ABCA8: variants seen among roughly 807,000 people sequenced by gnomAD.
ABCA8 encodes the protein ATP binding cassette subfamily A member 8, also known as ABC-type organic anion transporter ABCA8.
ABCA8 carries 177 observed loss-of-function variants against 192.3 expected under a neutral mutation model. The observed-to-expected ratio is 0.92, with a 90% CI of 0.81 to 1.04. ABCA8 has a LOEUF of 1.04. Among genes scored for constraint, ABCA8 ranks in the 50% least tolerant of loss-of-function variants. The pLI is 0.00. For missense variants in ABCA8, 1,915 were observed against 1,904.8 expected (o/e 1.01, Z -0.10); for synonymous variants, 642 against 690.2 (o/e 0.93, Z 1.09).
Position 68,867,380 on chromosome 17 carries a change from G to A in ABCA8, c.*705C>T, listed in dbSNP as rs1419070826. The A allele has an allele frequency of 1.3e-5, 2 of 152,090 alleles. No homozygotes were observed. Among genetic ancestry groups the A allele is most frequent in the African/African-American group, 4.8e-5 (2 of 41,426 alleles). The allele number at this position is 152,090 out of a possible 1,614,324, so 9.4% of individuals were successfully genotyped here. On this transcript the variant is annotated 3_prime_UTR_variant, in exon 40 of 40. Coordinates refer to ENST00000586539, the MANE Select transcript of ABCA8 (RefSeq NM_001288985.2). ...ACATTTGTGAACTTTCTGAAACCAAGTGACAAATATCCACAAAAGATCATT... is the reference window on the plus strand; with the variant it reads ...ACATTTGTGAACTTTCTGAAACCAAATGACAAATATCCACAAAAGATCATT...
rs1485656216 is a variant in ABCA8 at position 68,911,896 on chromosome 17, G to T, written c.2139-4017C>A. Among the ~76,000 whole-genome samples the T allele has an allele frequency of 6.6e-6, 1 of 152,158 alleles. No individual in the cohort carries two copies. Among genetic ancestry groups the T allele is most frequent in the South Asian group, 2.1e-4 (1 of 4,832 alleles). On this transcript the variant is annotated intron_variant, in intron 17 of 39. Transcript: ENST00000586539. This position sits in a 1 kb window ranked among gnomAD's most constrained non-coding sequence, Gnocchi z 5.7. ...AATCACCATGTTACTGGATTTGAGG[G>T]TGCCCCCTAGTGCTGATACAGCTGC...
chr17:68,921,635 G>C, intron 12 of ABCA8, 143 bp from the exon 13 acceptor site: 1 of 467,268 alleles, frequency 2.1e-6, no homozygotes, highest in Admixed American at 3.5e-5. Flanking sequence ...AAATATAGTG[G>C]GTTGTTAAAT....
chr17:68,945,723 C>A (rs2068380219), intron 2 of ABCA8, among the ~76,000 whole-genome samples: 1 of 152,062 alleles, frequency 6.6e-6, no homozygotes, highest in African/African-American at 2.4e-5. Flanking sequence ...GAACTACTTT[C>A]TGGTTCCTTC....
chr17:68,879,202 A>G (rs2066276335), intron 32 of ABCA8: 1 of 152,232 alleles, frequency 6.6e-6, no homozygotes. Flanking sequence ...CTCCCCAAAA[A>G]TAGTTGCATT....
Position 68,875,650 on chromosome 17 carries a change from C to G in ABCA8, c.4454G>C (p.Cys1485Ser). Residue 1485 changes from cysteine (C) to serine (S), a missense_variant, in exon 36 of 40, where the codon TGT becomes TCT. By Grantham distance (112) the Cys-to-Ser change is moderately radical. Transcript: ENST00000586539. ...THYMAEAEAVCDRVAIMVSGR... is the reference protein window; with the variant it reads ...THYMAEAEAVSDRVAIMVSGR... ...AGATACCATGATGGCCACTCGGTCA[C>G]ACACGGCCTCAGCCTCTGCCATGTA... 6.2e-7 allele frequency: 1 copy of G among 1,614,202 alleles called. No individual in the cohort carries two copies. The highest frequency in any genetic ancestry group is 1.3e-5 in the African/African-American group (1 of 75,060).
Position 68,876,519 on chromosome 17 carries a change from T to G in ABCA8, c.4311A>C (p.Ser1437=). 1 of 1,614,074 alleles carries G rather than the reference T, an allele frequency of 6.2e-7. No individual in the cohort carries two copies. ...CFVLSILGNP[S]VVLLDEPSTG... Reference sequence around the variant, plus strand: ...TCGACGGCTCATCCAGAAGCACCACTGACGGGTTCCCCAGTATGCTCAGGA... The same window carrying G: ...TCGACGGCTCATCCAGAAGCACCACGGACGGGTTCCCCAGTATGCTCAGGA... Residue 1437 remains serine (S), a synonymous_variant, in exon 35 of 40, where the codon TCA becomes TCC. Transcript: ENST00000586539.
intron 35 of ABCA8, among the ~76,000 whole-genome samples, chr17:68,876,124 C>T (rs1251559626): frequency 1.3e-5 from 2 of 152,152 alleles, no homozygotes; most frequent in African/African-American, 4.8e-5. Flanking sequence ...ACCATGTTTA[C>T]ACCTTAATGA....
At position 68,927,896 on chromosome 17, in the gene ABCA8, T is replaced by A; in HGVS notation, c.1273+20A>T. 1 of 1,527,712 alleles carries A rather than the reference T, an allele frequency of 6.5e-7. No individual in the cohort carries two copies. Among genetic ancestry groups the A allele is most frequent in the Non-Finnish European group, 8.9e-7 (1 of 1,123,018 alleles). 94.6% of individuals were successfully genotyped at this position (1,527,712 alleles called of 1,614,324 possible). A position where few individuals can be genotyped will look rare whatever the true frequency, so the allele number is the denominator to read the frequency against. ...AAAACTATTTAAATGATATATGATT[T>A]TAATCATATCATTACTCACTTGGCA... On this transcript the variant is annotated intron_variant, in intron 10 of 39. Coordinates refer to ENST00000586539, the MANE Select transcript of ABCA8 (RefSeq NM_001288985.2).
Position 68,946,170 on chromosome 17 carries a change from C to A in ABCA8, c.-6+3142G>T, listed in dbSNP as rs894199143. 2.6e-5 allele frequency among the ~76,000 whole-genome samples: 4 copies of A among 152,032 alleles called. No homozygotes were observed. The East Asian group carries it at 7.8e-4, about 29-fold the overall frequency. On this transcript the variant is annotated intron_variant, in intron 2 of 39. Coordinates refer to ENST00000586539, the MANE Select transcript of ABCA8 (RefSeq NM_001288985.2). ...GCAATCTCCGCCTCCCAGGTTCAAG[C>A]GATTCTCCTGCCTCAGTCTCCCAAG...
At chr17:68,904,037 AC>A (rs2143496714) in intron 19 of ABCA8, among the ~76,000 whole-genome samples, 1 of 152,174 alleles carries the variant, frequency 6.6e-6, no homozygotes, top group South Asian at 2.1e-4. Flanking sequence ...AAAAGCACAC[AC>A]CCGTAAATGT....
intron 37 of ABCA8, among the ~76,000 whole-genome samples, chr17:68,874,001 G>A (rs1483799496): frequency 1.3e-5 from 2 of 151,984 alleles, no homozygotes; most frequent in African/African-American, 4.8e-5. Context: ...TTTTGTGTAG[G>A]AAAAAAGGGT....
intron 4 of ABCA8, among the ~76,000 whole-genome samples, chr17:68,937,711 T>A (rs1427275053): frequency 6.6e-6 from 1 of 152,044 alleles, no homozygotes; most frequent in East Asian, 1.9e-4. Flanking sequence ...GGGGTGGAAG[T>A]GTTGAAGATG....
At position 68,933,246 on chromosome 17, in the gene ABCA8, A is replaced by C; in HGVS notation, c.492T>G (p.Asp164Glu). Residue 164 changes from aspartate (D) to glutamate (E), a missense_variant, in exon 6 of 40, where the codon GAT (aspartate) becomes GAG (glutamate). Transcript: ENST00000586539. Reference protein sequence around the residue: ...HTAHCYETNEDVYCEVSVFWK... With the variant: ...HTAHCYETNEEVYCEVSVFWK... Reference sequence around the variant, plus strand: ...AAAATACTGAAACTTCACAGTAAACATCTTCATTTGTTTCATAACAATGAG... The same window carrying C: ...AAAATACTGAAACTTCACAGTAAACCTCTTCATTTGTTTCATAACAATGAG... 6.2e-7 allele frequency: 1 copy of C among 1,612,436 alleles called. No homozygotes were observed.
rs756385374 is a variant in ABCA8, at chr17:68,877,662, G to A, written c.4056C>T (p.Ser1352=). The change falls in exon 33 of 40, where the codon AGC becomes AGT. Residue 1352 remains serine (S), a synonymous_variant. Transcript: ENST00000586539. ...PTAGQVLLKG[S]GGGDALEFLG... ...GGAACTCCAGGGCATCCCCTCCACC[G>A]CTCCCTTTCAGTAGCACCTGCAGAT... The A allele has an allele frequency of 2.2e-5, 35 of 1,610,286 alleles. No individual in the cohort carries two copies. Among genetic ancestry groups the A allele is most frequent in the African/African-American group, 8.0e-5 (6 of 74,772 alleles).
At chr17:68,929,513 A>G (rs1598274873) in intron 8 of ABCA8, 48 bp downstream of exon 8, 1 of 1,571,058 alleles carries the variant, frequency 6.4e-7, no homozygotes, top group Non-Finnish European at 8.6e-7. Flanking sequence ...GAAACAAACA[A>G]TTTTTAGGCT....
intron 33 of ABCA8, 31 bp downstream of exon 33, chr17:68,877,488 G>C: frequency 6.3e-7 from 1 of 1,576,712 alleles, no homozygotes; most frequent in African/African-American, 1.3e-5. Flanking sequence ...CCCTCCCTTG[G>C]GTATAGAACA....
intron 24 of ABCA8, among the ~76,000 whole-genome samples, chr17:68,889,761 CCTTT>C (rs1442053194): frequency 4.6e-5 from 7 of 152,132 alleles, no homozygotes; most frequent in Non-Finnish European, 8.8e-5. Context: ...ATTAATTTTA[CCTTT>C]CTAAGAATTT....
In ABCA8 at chr17:68,867,891, G is replaced by A. The variant is rs935475446; in HGVS notation, c.*194C>T. ...TGCAGAGATACAGAGGCTGTGAGAG[G>A]AGGTTGGCTTAGTCAAATGCCTCTG... On this transcript the variant is annotated 3_prime_UTR_variant, in exon 40 of 40. Transcript: ENST00000586539. 7.5e-6 allele frequency: 4 copies of A among 532,554 alleles called. No homozygotes were observed. The highest frequency in any genetic ancestry group is 1.3e-5 in the Non-Finnish European group (4 of 300,670). 33.0% of individuals were successfully genotyped at this position (532,554 alleles called of 1,614,324 possible). A position where few individuals can be genotyped will look rare whatever the true frequency, so the allele number is the denominator to read the frequency against.
rs563302186 is a variant in ABCA8, at chr17:68,903,428, C to T, written c.2470G>A (p.Val824Ile). The T allele has an allele frequency of 2.5e-6, 4 of 1,614,164 alleles. No homozygotes were observed. The highest frequency in any genetic ancestry group is 2.2e-5 in the South Asian group (2 of 91,080). Residue 824 changes from valine to isoleucine, a missense_variant, in exon 20 of 40, where the codon GTC (valine) becomes ATC (isoleucine). Coordinates refer to ENST00000586539, the MANE Select transcript of ABCA8 (RefSeq NM_001288985.2). ...DTERLVEMEQ[V>I]LSSLNKMRKT... ...CTCATCTTGTTAAGTGAAGAGAGGA[C>T]TTGTTCCATCTCAACAAGCCTTTCA...
Sources: allele counts gnomAD v4.1 joint callset (sites outside exome capture counted in the v4.1 genomes callset), GRCh38; gene constraint gnomAD v4.1.1; non-coding constraint Gnocchi (gnomAD v3.1); transcripts MANE v1.5; gene names NCBI Gene and HGNC (gene_info 2026-07-23, HGNC 2026-07-21).